PARPBP: variants seen among roughly 807,000 people sequenced by gnomAD.
PARPBP encodes PARP1 binding protein.
A neutral mutation model predicts 50.0 loss-of-function variants in PARPBP; 52 were observed. The ratio of observed to expected loss-of-function variants is 1.04; its 90% CI spans 0.83 to 1.31. PARPBP has a LOEUF of 1.31. Ranked by LOEUF, PARPBP falls within the 50% of genes most tolerant of loss-of-function variation. The pLI is 0.00. For synonymous variants in PARPBP, 244 were observed against 232.1 expected, an observed-to-expected ratio of 1.05 and a Z score of -0.47; for missense variants, 697 against 672.0, an observed-to-expected ratio of 1.04 and a Z score of -0.41.
intron 2 of PARPBP, among the ~76,000 whole-genome samples, chr12:102,140,259 G>T (rs1884356415): frequency 6.6e-6 from 1 of 152,170 alleles, no homozygotes; most frequent in Non-Finnish European, 1.5e-5. Flanking sequence ...AGATTTTCTA[G>T]TTCATTTGCA....
chr12:102,182,445 G>A (rs1594614824), intron 8 of PARPBP, 104 bp from the exon 9 acceptor site: 1 of 758,546 alleles, frequency 1.3e-6, no homozygotes, highest in East Asian at 2.7e-5. Flanking sequence ...ATAAGTTGAG[G>A]AAAAACTAGA....
chr12:102,171,452 A>G (rs1051447230), intron 6 of PARPBP, among the ~76,000 whole-genome samples: 4 of 152,114 alleles, frequency 2.6e-5, no homozygotes, highest in African/African-American at 9.7e-5. Context: ...TCTGTTGCTG[A>G]CTGTAATGTT....
Position 102,196,479 on chromosome 12 carries a change from G to T in PARPBP, c.*188G>T. The stretch of plus-strand genomic sequence containing the variant: ...CATAATTATGCAGAATTTTCACAAA[G>T]TTTAATGCACAGAGAAAGCATATCA... On this transcript the variant is annotated 3_prime_UTR_variant, in exon 11 of 11. Transcript: ENST00000327680. 1 of 732,436 alleles carries T rather than the reference G, an allele frequency of 1.4e-6. No individual in the cohort carries two copies. Among genetic ancestry groups the T allele is most frequent in the African/African-American group, 1.8e-5 (1 of 56,706 alleles). The allele number at this position is 732,436 out of a possible 1,614,324, so 45.4% of individuals were successfully genotyped here.
intron 9 of PARPBP, among the ~76,000 whole-genome samples, chr12:102,189,723 G>GA (rs982104885): frequency 2.2e-4 from 33 of 151,744 alleles, no homozygotes; most frequent in Middle Eastern, 3.4e-3. Context: ...GGGTAGTTGT[G>GA]AAAAAAAACA....
chr12:102,193,139 G>A (rs1241235054), intron 9 of PARPBP, among the ~76,000 whole-genome samples: 1 of 151,698 alleles, frequency 6.6e-6, no homozygotes, highest in Non-Finnish European at 1.5e-5. Context: ...TGTGGGGGAG[G>A]CTGAATTGAG....
At position 102,196,289 on chromosome 12, in the gene PARPBP, T is replaced by C; in HGVS notation, c.1738T>C (p.Ter580GlnextTer23). 6.4e-7 allele frequency: 1 copy of C among 1,564,112 alleles called. No individual in the cohort carries two copies. Among genetic ancestry groups the C allele is most frequent in the Non-Finnish European group, 8.6e-7 (1 of 1,156,166 alleles). Reference protein sequence around the residue: ...QAKLTQFFRL* With the variant: ...QAKLTQFFRLQ Reference sequence around the variant, plus strand: ...AAAGTTAACTCAGTTTTTTAGACTATAAATTTGTGTCTTATATGCTTTAGG... The same window carrying C: ...AAAGTTAACTCAGTTTTTTAGACTACAAATTTGTGTCTTATATGCTTTAGG... Residue 580 changes from the stop codon to glutamine, a stop_lost, in exon 11 of 11, where the codon TAA becomes CAA. Transcript: ENST00000327680.
At chr12:102,121,040 C>G (rs1262538699) in intron 1 of PARPBP, among the ~76,000 whole-genome samples, 1 of 152,180 alleles carries the variant, frequency 6.6e-6, no homozygotes, top group Non-Finnish European at 1.5e-5. Flanking sequence ...TATAGTGCAG[C>G]CTGCCATTCA....
intron 4 of PARPBP, among the ~76,000 whole-genome samples, chr12:102,156,211 G>A (rs993560686): frequency 9.5e-6 from 1 of 105,564 alleles, no homozygotes; most frequent in Non-Finnish European, 1.8e-5. Context: ...TTTTGAGACG[G>A]TGTCTCCTTC....
intron 3 of PARPBP, among the ~76,000 whole-genome samples, chr12:102,152,214 A>G (rs1565874636): frequency 1.3e-5 from 2 of 152,182 alleles, no homozygotes; most frequent in African/African-American, 2.4e-5. Context: ...CCCCTGTTCG[A>G]AATCTCAGAC....
At chr12:102,173,411 T>C (rs73384871) in intron 6 of PARPBP, among the ~76,000 whole-genome samples, 1 of 152,018 alleles carries the variant, frequency 6.6e-6, no homozygotes, top group African/African-American at 2.4e-5. Flanking sequence ...CAAAAAGAAA[T>C]AGGAGATATA....
chr12:102,139,112 G>A (rs1884136715), intron 2 of PARPBP, among the ~76,000 whole-genome samples: 1 of 152,082 alleles, frequency 6.6e-6, no homozygotes, highest in Non-Finnish European at 1.5e-5. Context: ...GATTCTTCCT[G>A]TCCATGAGCA....
intron 9 of PARPBP, among the ~76,000 whole-genome samples, chr12:102,191,739 T>A (rs2137388726): frequency 6.6e-6 from 1 of 152,286 alleles, no homozygotes; most frequent in South Asian, 2.1e-4. Context: ...TGAAGTTCAT[T>A]GCAATTATGC....
chr12:102,188,075 G>A (rs1301578761), intron 9 of PARPBP, among the ~76,000 whole-genome samples: 1 of 152,068 alleles, frequency 6.6e-6, no homozygotes, highest in African/African-American at 2.4e-5. Flanking sequence ...AACCACCAAA[G>A]TGTTTGGGTG....
chr12:102,158,373 G>C (rs1056377932), intron 4 of PARPBP, among the ~76,000 whole-genome samples: 2 of 152,060 alleles, frequency 1.3e-5, no homozygotes, highest in African/African-American at 4.8e-5. Context: ...TTGGATTCAT[G>C]AATTTATATT....
At chr12:102,123,037 A>G (rs1881396784) in intron 1 of PARPBP, among the ~76,000 whole-genome samples, 2 of 152,216 alleles carry the variant, frequency 1.3e-5, no homozygotes, top group Admixed American at 6.5e-5. Context: ...TCTAGTGGTC[A>G]TACAGGACAC....
At chr12:102,184,445 T>C (rs1890131988) in intron 9 of PARPBP, among the ~76,000 whole-genome samples, 1 of 152,174 alleles carries the variant, frequency 6.6e-6, no homozygotes, top group South Asian at 2.1e-4. Flanking sequence ...ACGAAACGTA[T>C]AGACAAATTT....
At chr12:102,162,212 A>G (rs991888696) in intron 4 of PARPBP, among the ~76,000 whole-genome samples, 8 of 152,174 alleles carry the variant, frequency 5.3e-5, no homozygotes, top group Non-Finnish European at 1.2e-4. Flanking sequence ...TTATGCTTCA[A>G]AAATTTAACA....
intron 2 of PARPBP, among the ~76,000 whole-genome samples, chr12:102,145,754 T>C (rs1462571052): frequency 6.6e-6 from 1 of 152,202 alleles, no homozygotes; most frequent in Non-Finnish European, 1.5e-5. Flanking sequence ...TTTTGCCTGA[T>C]TACTAACATC....
rs756598309 is a variant in PARPBP at position 102,175,569 on chromosome 12, A to G, written c.908A>G (p.Glu303Gly). The G allele has an allele frequency of 6.2e-7, 1 of 1,612,892 alleles. No homozygotes were observed. The highest frequency in any genetic ancestry group is 2.2e-5 in the East Asian group (1 of 44,836). Reference protein sequence around the residue: ...NSRDPFCKAIEEVAQDLDLRI... With the variant: ...NSRDPFCKAIGEVAQDLDLRI... ...AGGGATCCTTTTTGCAAAGCAATAGAGGAAGTTGCTCAGGATTTGGATTTG... is the reference window on the plus strand; with the variant it reads ...AGGGATCCTTTTTGCAAAGCAATAGGGGAAGTTGCTCAGGATTTGGATTTG... Residue 303 changes from glutamate to glycine, a missense_variant, in exon 7 of 11, where the codon GAG becomes GGG. By Grantham distance (98) the Glu-to-Gly change is moderately conservative. Transcript: ENST00000327680.
Sources: gnomAD v4.1 joint callset for allele counts (sites outside exome capture counted in the v4.1 genomes callset) on GRCh38, gnomAD v4.1.1 for gene constraint, MANE v1.5 for transcripts, NCBI Gene and HGNC (gene_info 2026-07-23, HGNC 2026-07-21) for gene names.